Variants in TSN observed in about 807,000 individuals in gnomAD.
The protein encoded by TSN is translin, also known as component 3 of promoter of RISC.
In TSN, 5 loss-of-function variants were observed where a neutral mutation model predicts 29.4. That is an observed-to-expected ratio of 0.17 (90% confidence interval 0.09 to 0.36). The LOEUF is 0.36. TSN is among the 10% of genes least tolerant of loss of function. TSN has a pLI of 1.00. For missense variants in TSN, 159 were observed against 272.8 expected (o/e 0.58, Z 2.94); for synonymous variants, 106 against 102.2 (o/e 1.04, Z -0.23).
chr2:121,761,739 C>G (rs2106455234), intron 4 of TSN, among the ~76,000 whole-genome samples: 1 of 152,282 alleles, frequency 6.6e-6, no homozygotes, highest in Admixed American at 6.5e-5. Flanking sequence ...GTAGTATTTG[C>G]ATATAACCTA....
At position 121,765,580 on chromosome 2, in the gene TSN, G is replaced by T; in HGVS notation, c.*213G>T. On this transcript the variant is annotated 3_prime_UTR_variant, in exon 6 of 6. Coordinates refer to ENST00000389682, the MANE Select transcript of TSN (RefSeq NM_004622.3). Reference sequence around the variant, plus strand: ...ACAGAATTTTTTTTGTTGTTTCAGTGAATATGCCTGTAATTCAGTGTATTT... The same window carrying T: ...ACAGAATTTTTTTTGTTGTTTCAGTTAATATGCCTGTAATTCAGTGTATTT... 1 of 580,832 alleles carries T rather than the reference G, an allele frequency of 1.7e-6. No individual in the cohort carries two copies. Among genetic ancestry groups the T allele is most frequent in the South Asian group, 2.1e-5 (1 of 47,114 alleles). The allele number at this position is 580,832 out of a possible 1,614,324, so 36.0% of individuals were successfully genotyped here. A position where few individuals can be genotyped will look rare whatever the true frequency, so the allele number is the denominator to read the frequency against.
chr2:121,760,893 C>T (rs570070677), intron 3 of TSN, among the ~76,000 whole-genome samples: 4 of 131,488 alleles, frequency 3.0e-5, no homozygotes, highest in Non-Finnish European at 4.6e-5. Flanking sequence ...TTTTTTGAGA[C>T]GGAGTGTCGC....
At chr2:121,757,129 C>G in intron 1 of TSN, 111 bp from the exon 2 acceptor site, 1 of 989,064 alleles carries the variant, frequency 1.0e-6, no homozygotes, top group Non-Finnish European at 1.5e-6. Context: ...GTGGAAAAGT[C>G]AGGATTCAAA....
intron 1 of TSN, chr2:121,756,215 A>G (rs1048167817): frequency 3.9e-5 from 11 of 281,158 alleles, no homozygotes; most frequent in East Asian, 2.6e-4. Flanking sequence ...GTGATTTCCT[A>G]TGCCACACAG....
chr2:121,757,630 C>T (rs2074768994), intron 2 of TSN: 1 of 345,008 alleles, frequency 2.9e-6, no homozygotes, highest in Non-Finnish European at 5.2e-6. Flanking sequence ...TCAGGGTAAG[C>T]GGGAAAAGGG....
chr2:121,755,946 C>T (rs1240080351), intron 1 of TSN, 101 bp downstream of exon 1: 3 of 1,574,346 alleles, frequency 1.9e-6, no homozygotes, highest in Middle Eastern at 1.8e-4. Context: ...GTGGGGACGC[C>T]TCCGAGGGTG....
intron 4 of TSN, 100 bp downstream of exon 4, chr2:121,761,624 T>A: frequency 2.1e-6 from 2 of 932,390 alleles, no homozygotes; most frequent in Non-Finnish European, 3.5e-6. Flanking sequence ...AAACAAGAAT[T>A]AACTAAAAAC....
Position 121,755,967 on chromosome 2 carries a change from C to T in TSN, c.66+122C>T, listed in dbSNP as rs558546113. The T allele has an allele frequency of 5.2e-6, 8 of 1,531,724 alleles. No individual in the cohort carries two copies. The African/African-American group carries it at 8.2e-5, about 16-fold the overall frequency. 94.9% of individuals were successfully genotyped at this position (1,531,724 alleles called of 1,614,324 possible). A position where few individuals can be genotyped will look rare whatever the true frequency, so the allele number is the denominator to read the frequency against. On this transcript the variant is annotated intron_variant, in intron 1 of 5. Transcript: ENST00000389682. ...ACGCCTCCGAGGGTGGGTTGCTTCC[C>T]CTCTAGCTTTAGGTTAGGCACTCCC...
chr2:121,756,147 G>A lies in TSN; in HGVS notation c.66+302G>A, dbSNP rs115345000. On this transcript the variant is annotated intron_variant, in intron 1 of 5. Transcript: ENST00000389682. ...AGCACCTGGTCTTCAGCGAATGAGC[G>A]TTTCGTGTATTTTTGTTGGTGTCTT... 4.3e-4 allele frequency: 204 copies of A among 469,916 alleles called. 1 individual carries two copies. The highest frequency in any genetic ancestry group is 3.7e-3 in the African/African-American group (189 of 51,108). 29.1% of individuals were successfully genotyped at this position (469,916 alleles called of 1,614,324 possible). A position where few individuals can be genotyped will look rare whatever the true frequency, so the allele number is the denominator to read the frequency against.
intron 3 of TSN, 33 bp downstream of exon 3, chr2:121,758,839 TTAAG>T (rs1003287437): frequency 7.0e-7 from 1 of 1,421,354 alleles, no homozygotes; most frequent in Non-Finnish European, 9.4e-7. Flanking sequence ...TTTTATAATG[TTAAG>T]TAAAAAAAAG....
rs1371790435 is a variant in TSN at position 121,755,705 on chromosome 2, T to G, written c.-75T>G. On this transcript the variant is annotated 5_prime_UTR_variant, in exon 1 of 6. Transcript: ENST00000389682. ...CGGTAGCGGCGGCCGTTGCGATTGA[T>G]TGCGCTGGTTGCCTGCGGCGTCCAC... The G allele has an allele frequency of 6.3e-7, 1 of 1,586,172 alleles. No homozygotes were observed. The highest frequency in any genetic ancestry group is 8.6e-7 in the Non-Finnish European group (1 of 1,164,360).
At chr2:121,763,469 C>A (rs542046490) in intron 5 of TSN, among the ~76,000 whole-genome samples, 3 of 152,154 alleles carry the variant, frequency 2.0e-5, no homozygotes, top group African/African-American at 7.2e-5. Context: ...AAAATGGGTA[C>A]CAAAATTCAG....
At chr2:121,755,896 C>A in intron 1 of TSN, 51 bp downstream of exon 1, 5 of 1,611,418 alleles carry the variant, frequency 3.1e-6, no homozygotes, top group Non-Finnish European at 4.2e-6. Context: ...CCTAGTTGGG[C>A]CACTTCGCCC....
intron 5 of TSN, 99 bp from the exon 6 acceptor site, chr2:121,765,035 C>A: frequency 9.5e-7 from 1 of 1,047,368 alleles, no homozygotes; most frequent in Non-Finnish European, 1.5e-6. Flanking sequence ...ATCAGCGTGG[C>A]TGTCTAGGCT....
Position 121,761,597 on chromosome 2 carries a change from A to G in TSN, c.373+73A>G. The G allele has an allele frequency of 3.4e-6, 4 of 1,171,938 alleles. No homozygotes were observed. In the South Asian group the frequency reaches 3.7e-5, roughly 11 times the overall value. 72.6% of individuals were successfully genotyped at this position (1,171,938 alleles called of 1,614,324 possible). A position where few individuals can be genotyped will look rare whatever the true frequency, so the allele number is the denominator to read the frequency against. ...ACTTTTTGGTGGAAAGGGTGGTTGT[A>G]CTTTGTTTATTAAAACAAACAAGAA... On this transcript the variant is annotated intron_variant, in intron 4 of 5. Coordinates refer to ENST00000389682, the MANE Select transcript of TSN (RefSeq NM_004622.3).
rs1243505799 is a variant in TSN at position 121,767,699 on chromosome 2, G to A, written c.*2332G>A. ...AAACTTGAATAATAGTATGAGTAAT[G>A]CTTAAGGGAGTTTAATAGAGAAGGA... On this transcript the variant is annotated 3_prime_UTR_variant, in exon 6 of 6. Coordinates refer to ENST00000389682, the MANE Select transcript of TSN (RefSeq NM_004622.3). The A allele has an allele frequency of 4.6e-5, 7 of 152,092 alleles. No homozygotes were observed. The highest frequency in any genetic ancestry group is 8.8e-5 in the Non-Finnish European group (6 of 68,028). The allele number at this position is 152,092 out of a possible 1,614,324, so 9.4% of individuals were successfully genotyped here.
intron 4 of TSN, 77 bp downstream of exon 4, chr2:121,761,601 T>C: frequency 2.6e-6 from 3 of 1,143,116 alleles, no homozygotes; most frequent in Admixed American, 3.6e-5. Context: ...GGTTGTACTT[T>C]GTTTATTAAA....
chr2:121,764,606 C>A lies in TSN; in HGVS notation c.454-528C>A, dbSNP rs149020029. On this transcript the variant is annotated intron_variant, in intron 5 of 5. Transcript: ENST00000389682. ...AGCAGTAGGGGGTTGTATACTGACA[C>A]CGAGAAGGGGAGTCTTGGGTTGGGT... is the stretch of plus-strand genomic sequence containing the variant. 1.9e-3 allele frequency among the ~76,000 whole-genome samples: 282 copies of A among 151,952 alleles called. 1 individual carries two copies. Among genetic ancestry groups the A allele is most frequent in the African/African-American group, 6.4e-3 (264 of 41,428 alleles).
intron 3 of TSN, among the ~76,000 whole-genome samples, chr2:121,761,050 A>G (rs538969191): frequency 3.3e-5 from 5 of 151,884 alleles, no homozygotes; most frequent in Non-Finnish European, 4.4e-5. Context: ...TTGTATTTTT[A>G]GTAGAGAGGG....
Sources: allele counts gnomAD v4.1 joint callset (sites outside exome capture counted in the v4.1 genomes callset), GRCh38; gene constraint gnomAD v4.1.1; transcripts MANE v1.5; gene names NCBI Gene and HGNC (gene_info 2026-07-23, HGNC 2026-07-21).